IL16: variants seen among roughly 807,000 people sequenced by gnomAD.
IL16 encodes pro-interleukin-16.
IL16 carries 67 observed loss-of-function variants against 110.1 expected under a neutral mutation model. The ratio of observed to expected loss-of-function variants is 0.61; its 90% CI spans 0.50 to 0.75. The LOEUF is 0.75. IL16 is among the 30% of genes least tolerant of loss of function. IL16 has a pLI of 0.00. For missense variants in IL16, 1,545 were observed against 1,655.0 expected (o/e 0.93, Z 1.15); for synonymous variants, 689 against 662.9 (o/e 1.04, Z -0.61).
intron 10 of IL16, 78 bp downstream of exon 10, chr15:81,285,908 A>C (rs1899429735): frequency 6.8e-7 from 1 of 1,473,038 alleles, no homozygotes; most frequent in Admixed American, 1.8e-5. Flanking sequence ...ATAGATGAAA[A>C]CAGAGATGTT....
Position 81,313,661 on chromosome 15 carries a change from A to T in IL16, c.*4863A>T. The T allele has an allele frequency of 3.4e-6, 1 of 292,896 alleles. No individual in the cohort carries two copies. The highest frequency in any genetic ancestry group is 6.3e-6 in the Non-Finnish European group (1 of 159,234). The allele number at this position is 292,896 out of a possible 1,614,324, so 18.1% of individuals were successfully genotyped here. On this transcript the variant is annotated 3_prime_UTR_variant, in exon 19 of 19. Coordinates refer to ENST00000683961, the MANE Select transcript of IL16 (RefSeq NM_172217.5). Reference sequence around the variant, plus strand: ...AGAAGTCCCTACTCCCAGCCCAAAAACCCAGTACCCTGCTGCCCGATTCAC... The same window carrying T: ...AGAAGTCCCTACTCCCAGCCCAAAATCCCAGTACCCTGCTGCCCGATTCAC...
chr15:81,205,035 A>G (rs902918729), intron 1 of IL16, among the ~76,000 whole-genome samples: 4 of 152,140 alleles, frequency 2.6e-5, no homozygotes, highest in African/African-American at 7.2e-5. Flanking sequence ...GACCGGGCGC[A>G]GTGGCTCACA....
Position 81,245,724 on chromosome 15 carries a change from C to CTTTTTTTTTT in IL16, c.313-14033_313-14024dup, listed in dbSNP as rs1009292228. Reference sequence around the variant, plus strand: ...TAGAGAGATCAGACTTTTGTTTTGGCTTTTTTTTTTTTTTTTTTTTTTTTG... The same window carrying CTTTTTTTTTT: ...TAGAGAGATCAGACTTTTGTTTTGGCTTTTTTTTTTTTTTTTTTTTTTTTTTTTTTTTTTG... On this transcript the variant is annotated intron_variant, in intron 2 of 18. Transcript: ENST00000683961. Among the ~76,000 whole-genome samples, 58 of 61,270 alleles carry CTTTTTTTTTT rather than the reference C, an allele frequency of 9.5e-4. 4 individuals are homozygous for CTTTTTTTTTT. Among genetic ancestry groups the CTTTTTTTTTT allele is most frequent in the African/African-American group, 1.2e-3 (17 of 14,672 alleles). The allele number at this position is 61,270 out of a possible 152,430, so 40.2% of individuals were successfully genotyped here. A position where few individuals can be genotyped will look rare whatever the true frequency, so the allele number is the denominator to read the frequency against.
intron 2 of IL16, among the ~76,000 whole-genome samples, chr15:81,255,849 T>G (rs1432718553): frequency 2.0e-5 from 3 of 152,170 alleles, no homozygotes; most frequent in Non-Finnish European, 4.4e-5. Flanking sequence ...AATTTCCAAC[T>G]GTGCCTTGGA....
rs182841365 is a variant in IL16, at chr15:81,277,740, C to A, written c.791-1077C>A. Among the ~76,000 whole-genome samples the A allele has an allele frequency of 2.3e-3, 350 of 152,152 alleles. 2 individuals are homozygous for A. The highest frequency in any genetic ancestry group is 8.0e-3 in the African/African-American group (331 of 41,498). On this transcript the variant is annotated intron_variant, in intron 6 of 18. Transcript: ENST00000683961. ...CTAGAAAAAGAAACCTTAAAAGAAACCAGAGAAAAAGGATGGATCATATAC... is the reference window on the plus strand; with the variant it reads ...CTAGAAAAAGAAACCTTAAAAGAAAACAGAGAAAAAGGATGGATCATATAC...
upstream of IL16, among the ~76,000 whole-genome samples, chr15:81,196,711 T>A (rs1895606422): frequency 6.6e-6 from 1 of 152,248 alleles, no homozygotes; most frequent in Non-Finnish European, 1.5e-5. Flanking sequence ...GGCTCTGCAC[T>A]GGGTTTGCCT....
intron 10 of IL16, 74 bp downstream of exon 10, chr15:81,285,904 G>T: frequency 6.7e-7 from 1 of 1,486,546 alleles, no homozygotes; most frequent in Non-Finnish European, 9.3e-7. Context: ...AGAAATAGAT[G>T]AAAACAGAGA....
intron 2 of IL16, among the ~76,000 whole-genome samples, chr15:81,245,271 A>T (rs11636298): frequency 6.6e-6 from 1 of 152,120 alleles, no homozygotes; most frequent in East Asian, 1.9e-4. Context: ...ATCTTATTCA[A>T]ACCTTCCATT....
intron 2 of IL16, among the ~76,000 whole-genome samples, chr15:81,227,643 G>A (rs1270743115): frequency 6.6e-6 from 1 of 152,158 alleles, no homozygotes; most frequent in Admixed American, 6.5e-5. Flanking sequence ...TACGAAGGAT[G>A]GGAAGCCATG....
chr15:81,201,884 T>G (rs1408697771), intron 1 of IL16, among the ~76,000 whole-genome samples: 1 of 152,218 alleles, frequency 6.6e-6, no homozygotes, highest in Non-Finnish European at 1.5e-5. Flanking sequence ...CAAAAAGACT[T>G]AACCTCATTC....
At chr15:81,182,746 C>A in exon 1 of IL16, 1 of 533,286 alleles carries the variant, frequency 1.9e-6, no homozygotes, top group Non-Finnish European at 3.2e-6. Flanking sequence ...AGTTTTAACT[C>A]ATATTCAAAT....
rs760450869 is a variant in IL16 at position 81,313,309 on chromosome 15, T to C, written c.*4511T>C. ...TGAAGGTTGGCATAAAACCGGGTCA[T>C]GCTGCGGGGGAAGAAGGAGTCCACC... On this transcript the variant is annotated 3_prime_UTR_variant, in exon 19 of 19. Transcript: ENST00000683961. 6.3e-7 allele frequency: 1 copy of C among 1,580,424 alleles called. No individual in the cohort carries two copies.
intron 8 of IL16, among the ~76,000 whole-genome samples, chr15:81,280,553 G>A (rs1298180061): frequency 6.6e-6 from 1 of 152,254 alleles, no homozygotes; most frequent in Non-Finnish European, 1.5e-5. Flanking sequence ...ATGGCCCATA[G>A]TGTGACAAAA....
chr15:81,270,816 CGGGGG>C (rs1011724285), intron 5 of IL16, among the ~76,000 whole-genome samples: 4 of 151,910 alleles, frequency 2.6e-5, no homozygotes, highest in African/African-American at 9.7e-5. Context: ...TTTATGAGGC[CGGGGG>C]GTGGAAGAAG....
chr15:81,236,051 A>C (rs1897166644), intron 2 of IL16, among the ~76,000 whole-genome samples: 1 of 152,184 alleles, frequency 6.6e-6, no homozygotes, highest in South Asian at 2.1e-4. Context: ...ACCTCCATAG[A>C]GTGGAAAATC....
At chr15:81,251,081 T>A (rs1272915829) in intron 2 of IL16, among the ~76,000 whole-genome samples, 6 of 152,184 alleles carry the variant, frequency 3.9e-5, no homozygotes, top group African/African-American at 1.4e-4. Context: ...GGTACAGCTT[T>A]TATTTACTTT....
intron 2 of IL16, among the ~76,000 whole-genome samples, chr15:81,231,359 T>TCTCTCTCTCTCC (rs1896973617): frequency 6.9e-6 from 1 of 145,770 alleles, no homozygotes; most frequent in Non-Finnish European, 1.5e-5. Flanking sequence ...TCTCTCTCTC[T>TCTCTCTCTCTCC]CTCTCTCTCT....
At chr15:81,269,978 A>C in intron 5 of IL16, among the ~76,000 whole-genome samples, 1 of 152,206 alleles carries the variant, frequency 6.6e-6, no homozygotes, top group East Asian at 1.9e-4. Context: ...CAAATTGTTT[A>C]CATAGATTTC....
At chr15:81,277,769 G>A (rs564977214) in intron 6 of IL16, among the ~76,000 whole-genome samples, 1 of 152,276 alleles carries the variant, frequency 6.6e-6, no homozygotes, top group South Asian at 2.1e-4. Context: ...CATATACAAT[G>A]GAACCATGAT....
Sources: allele counts gnomAD v4.1 joint callset (sites outside exome capture counted in the v4.1 genomes callset), GRCh38; gene constraint gnomAD v4.1.1; transcripts MANE v1.5; gene names NCBI Gene and HGNC (gene_info 2026-07-23, HGNC 2026-07-21).